Variants in TBC1D15 observed in about 807,000 individuals in gnomAD.
The protein encoded by TBC1D15 is TBC1 domain family member 15, also known as GAP for RAB7.
A neutral mutation model predicts 95.4 loss-of-function variants in TBC1D15; 39 were observed. That is an observed-to-expected ratio of 0.41 (90% confidence interval 0.32 to 0.53). TBC1D15 has a LOEUF of 0.53. Ranked by LOEUF, TBC1D15 falls within the 20% of genes least tolerant of loss-of-function variation. The pLI, the probability that TBC1D15 is intolerant of heterozygous loss-of-function variation, is 0.29. For missense variants in TBC1D15, 733 were observed against 794.3 expected, an observed-to-expected ratio of 0.92 and a Z score of 0.93; for synonymous variants, 258 against 261.3, an observed-to-expected ratio of 0.99 and a Z score of 0.12.
intron 12 of TBC1D15, among the ~76,000 whole-genome samples, chr12:71,915,852 A>G (rs544551660): frequency 2.6e-5 from 4 of 152,254 alleles, no homozygotes; most frequent in South Asian, 4.1e-4. Flanking sequence ...ATGGCAATCA[A>G]AATAACCTGT....
At chr12:71,847,700 A>G (rs372813073) in intron 1 of TBC1D15, among the ~76,000 whole-genome samples, 1 of 151,868 alleles carries the variant, frequency 6.6e-6, no homozygotes, top group East Asian at 1.9e-4. Flanking sequence ...CTCGAAAAAA[A>G]AACCCCACAA....
At position 71,923,192 on chromosome 12, in the gene TBC1D15, A is replaced by C; in HGVS notation, c.2013A>C (p.Leu671Phe). 1 of 1,614,018 alleles carries C rather than the reference A, an allele frequency of 6.2e-7. No homozygotes were observed. The highest frequency in any genetic ancestry group is 2.2e-5 in the East Asian group (1 of 44,880). ...QIPVSSDVCR[L>F]TPA ...CAGTGTCCTCAGATGTCTGCAGATTAACACCTGCATGATCACTGTTCTTGC... is the reference window on the plus strand; with the variant it reads ...CAGTGTCCTCAGATGTCTGCAGATTCACACCTGCATGATCACTGTTCTTGC... Residue 671 changes from leucine (L) to phenylalanine (F), a missense_variant, in exon 17 of 17, where the codon TTA becomes TTC. Coordinates refer to ENST00000485960, the MANE Select transcript of TBC1D15 (RefSeq NM_001146213.3).
At chr12:71,881,105 G>A (rs1382976769) in intron 4 of TBC1D15, among the ~76,000 whole-genome samples, 2 of 152,036 alleles carry the variant, frequency 1.3e-5, no homozygotes, top group Non-Finnish European at 2.9e-5. Context: ...ATGACTGATC[G>A]CCTATATGTC....
intron 1 of TBC1D15, among the ~76,000 whole-genome samples, chr12:71,871,389 T>C (rs572568322): frequency 1.1e-4 from 16 of 152,308 alleles, no homozygotes; most frequent in Middle Eastern, 3.4e-3. Flanking sequence ...CTGTATTATT[T>C]CCCGAATTTC....
chr12:71,855,106 A>G (rs958276975), intron 1 of TBC1D15, among the ~76,000 whole-genome samples: 6 of 152,170 alleles, frequency 3.9e-5, no homozygotes, highest in African/African-American at 1.4e-4. Flanking sequence ...GCAGAAGCAA[A>G]GCATGTCTTA....
intron 11 of TBC1D15, among the ~76,000 whole-genome samples, chr12:71,911,629 G>A (rs1249012607): frequency 2.5e-5 from 3 of 118,376 alleles, no homozygotes; most frequent in Admixed American, 9.6e-5. Context: ...GTTGTGGGGT[G>A]GGGGGAGGGG....
Position 71,847,434 on chromosome 12 carries a change from C to T in TBC1D15, c.30+7623C>T, listed in dbSNP as rs376112743. On this transcript the variant is annotated intron_variant, in intron 1 of 16. Transcript: ENST00000485960. ...CCATTGGGCCAGGCACGGTGGCTCACGCCTGTAATCCCAGCACTTTGAGAG... is the reference window on the plus strand; with the variant it reads ...CCATTGGGCCAGGCACGGTGGCTCATGCCTGTAATCCCAGCACTTTGAGAG... Among the ~76,000 whole-genome samples the T allele has an allele frequency of 4.6e-5, 7 of 151,970 alleles. No individual in the cohort carries two copies. In the East Asian group the frequency reaches 9.7e-4, roughly 21 times the overall value.
At chr12:71,844,644 C>T in intron 1 of TBC1D15, among the ~76,000 whole-genome samples, 1 of 152,132 alleles carries the variant, frequency 6.6e-6, no homozygotes, top group East Asian at 1.9e-4. Context: ...TTCTTGTCAT[C>T]CCATTAGATT....
intron 3 of TBC1D15, among the ~76,000 whole-genome samples, chr12:71,878,407 AAGTC>A (rs368324588): frequency 7.0e-4 from 106 of 152,184 alleles, no homozygotes; most frequent in African/African-American, 2.4e-3. Flanking sequence ...GGGGAAGTAG[AAGTC>A]AGAGAGAGAG....
At chr12:71,914,747 C>T (rs533753414) in intron 12 of TBC1D15, among the ~76,000 whole-genome samples, 1 of 152,128 alleles carries the variant, frequency 6.6e-6, no homozygotes, top group African/African-American at 2.4e-5. Flanking sequence ...CATTTTGAAT[C>T]TAACCATCTG....
chr12:71,856,591 CTT>C (rs1355064292), intron 1 of TBC1D15, among the ~76,000 whole-genome samples: 2 of 151,564 alleles, frequency 1.3e-5, no homozygotes, highest in African/African-American at 2.4e-5. Context: ...TTTTTCCTGA[CTT>C]ATTTTTTTTC....
intron 1 of TBC1D15, chr12:71,861,328 T>C: frequency 1.6e-6 from 1 of 612,480 alleles, no homozygotes; most frequent in Non-Finnish European, 2.5e-6. Context: ...GTGAAGCCAT[T>C]GGGTTTTGGG....
chr12:71,856,797 A>G (rs1006676186), intron 1 of TBC1D15, among the ~76,000 whole-genome samples: 1 of 152,194 alleles, frequency 6.6e-6, no homozygotes, highest in South Asian at 2.1e-4. Flanking sequence ...GTCAGTGTCC[A>G]TATATGCTGA....
At chr12:71,866,119 A>T (rs1891443380) in intron 1 of TBC1D15, among the ~76,000 whole-genome samples, 1 of 151,926 alleles carries the variant, frequency 6.6e-6, no homozygotes, top group South Asian at 2.1e-4. Flanking sequence ...GGAAGGGTGT[A>T]CCAACTTTTC....
In TBC1D15 at chr12:71,893,290, A is replaced by G; in HGVS notation, c.623A>G (p.Asn208Ser). 2 of 1,610,230 alleles carry G rather than the reference A, an allele frequency of 1.2e-6. No homozygotes were observed. Among genetic ancestry groups the G allele is most frequent in the Admixed American group, 1.7e-5 (1 of 59,742 alleles). Residue 208 changes from asparagine (N) to serine (S), a missense_variant, in exon 6 of 17, where the codon AAT (asparagine) becomes AGT (serine). By Grantham distance (46) the Asn-to-Ser change is conservative. Coordinates refer to ENST00000485960, the MANE Select transcript of TBC1D15 (RefSeq NM_001146213.3). ...QNKSLSQSFE[N>S]LLDEPAYGLI... ...AAGAGTCTTTCACAGTCTTTTGAAAATCTTCTTGATGAGCCAGCATATGGT... is the reference window on the plus strand; with the variant it reads ...AAGAGTCTTTCACAGTCTTTTGAAAGTCTTCTTGATGAGCCAGCATATGGT...
chr12:71,914,819 G>A (rs570702718), intron 12 of TBC1D15, among the ~76,000 whole-genome samples: 18 of 152,122 alleles, frequency 1.2e-4, no homozygotes, highest in African/African-American at 2.9e-4. Flanking sequence ...GTGAAATTTG[G>A]AAGTGGTACC....
chr12:71,849,338 G>T (rs1201244165), intron 1 of TBC1D15: 11 of 1,292,324 alleles, frequency 8.5e-6, no homozygotes, highest in Non-Finnish European at 1.2e-5. Context: ...ATCATAGGAG[G>T]CAATGGAGCT....
chr12:71,908,982 A>G (rs1409158125), intron 11 of TBC1D15, among the ~76,000 whole-genome samples: 1 of 152,166 alleles, frequency 6.6e-6, no homozygotes, highest in African/African-American at 2.4e-5. Context: ...GAATAGGACC[A>G]TTCTCCTTGG....
chr12:71,912,313 C>G (rs1902574290), intron 11 of TBC1D15, among the ~76,000 whole-genome samples: 1 of 152,064 alleles, frequency 6.6e-6, no homozygotes, highest in Admixed American at 6.6e-5. Context: ...ACTTCATTGT[C>G]TGGTACTGTA....
Sources: allele counts gnomAD v4.1 joint callset (sites outside exome capture counted in the v4.1 genomes callset), GRCh38; gene constraint gnomAD v4.1.1; transcripts MANE v1.5; gene names NCBI Gene and HGNC (gene_info 2026-07-23, HGNC 2026-07-21).